The following LRP1 variants were observed in gnomAD, a reference collection of about 807,000 sequenced individuals.
LRP1 encodes LDL receptor related protein 1.
A neutral mutation model predicts 541.5 loss-of-function variants in LRP1; 51 were observed. That is an observed-to-expected ratio of 0.09 (90% CI 0.08 to 0.12). The LOEUF (loss-of-function observed/expected upper bound fraction) is 0.12. Ranked by LOEUF, LRP1 falls within the 10% of genes least tolerant of loss-of-function variation. LRP1 has a pLI of 1.00. For missense variants in LRP1, 3,878 were observed against 6,376.2 expected, an observed-to-expected ratio of 0.61 and a Z score of 13.34; for synonymous variants, 2,219 against 2,470.8, an observed-to-expected ratio of 0.90 and a Z score of 3.02.
chr12:57,175,186 CCAGA>C (rs1465874047), intron 22 of LRP1, among the ~76,000 whole-genome samples: 1 of 152,038 alleles, frequency 6.6e-6, no homozygotes, highest in Non-Finnish European at 1.5e-5. Flanking sequence ...CATATCGAGA[CCAGA>C]CAGAGATATT....
chr12:57,205,782 A>G lies in LRP1; in HGVS notation c.11590+105A>G. ...ATGTCTTCCTGCGGACATCTTGCCC[A>G]GACAAGAAGCCCCAGACTCATAGTT... On this transcript the variant is annotated intron_variant, in intron 75 of 88. Transcript: ENST00000243077. The surrounding 1 kb of genome is among the most constrained non-coding windows in gnomAD (Gnocchi z 4.6). 1 of 1,493,452 alleles carries G rather than the reference A, an allele frequency of 6.7e-7. No homozygotes were observed. The highest frequency in any genetic ancestry group is 1.3e-5 in the South Asian group (1 of 79,054). The allele number at this position is 1,493,452 out of a possible 1,614,324, so 92.5% of individuals were successfully genotyped here.
chr12:57,167,972 C>T (rs1592626371), intron 19 of LRP1, among the ~76,000 whole-genome samples: 1 of 152,220 alleles, frequency 6.6e-6, no homozygotes, highest in African/African-American at 2.4e-5. Context: ...CTTGAGCCAC[C>T]AGGGCTAGTA....
intron 44 of LRP1, among the ~76,000 whole-genome samples, chr12:57,192,199 C>G (rs941008906): frequency 4.6e-5 from 7 of 151,908 alleles, no homozygotes; most frequent in Non-Finnish European, 4.4e-5. Flanking sequence ...CCCTGGGCCT[C>G]CATTACACAG....
chr12:57,209,325 G>A (rs879770650), intron 79 of LRP1, 126 bp downstream of exon 79: 188 of 763,098 alleles, frequency 2.5e-4, no homozygotes, highest in Admixed American at 1.0e-3. Context: ...ATGCTGCAGC[G>A]CCTTCCAGGC....
At chr12:57,167,321 C>T in intron 18 of LRP1, 123 bp from the exon 19 acceptor site, 1 of 759,022 alleles carries the variant, frequency 1.3e-6, no homozygotes, top group Admixed American at 2.0e-5. Flanking sequence ...GCGGGGCCTT[C>T]CCCACCCTTC....
intron 17 of LRP1, among the ~76,000 whole-genome samples, chr12:57,166,666 G>A (rs2035846917): frequency 6.6e-6 from 1 of 152,190 alleles, no homozygotes; most frequent in African/African-American, 2.4e-5. Context: ...TGAGAGGGCT[G>A]AGCTTGCAGG....
intron 17 of LRP1, chr12:57,166,426 T>A (rs996743474): frequency 5.4e-5 from 30 of 555,348 alleles, no homozygotes; most frequent in Non-Finnish European, 8.4e-5. Flanking sequence ...CCGGGCGTGG[T>A]GGCGTGCACC....
At position 57,162,465 on chromosome 12, in the gene LRP1, G is replaced by A; in HGVS notation, c.2351G>A (p.Ser784Asn). 6.2e-7 allele frequency: 1 copy of A among 1,614,140 alleles called. No individual in the cohort carries two copies. Residue 784 changes from serine (S) to asparagine (N), a missense_variant, in exon 14 of 89, where the codon AGT (serine) becomes AAT (asparagine). Coordinates refer to ENST00000243077, the MANE Select transcript of LRP1 (RefSeq NM_002332.3). This position sits in a 1 kb window ranked among gnomAD's most constrained non-coding sequence, Gnocchi z 5.2. Reference protein sequence around the residue: ...GAPPTVTLLRSERPPIFEIRM... With the variant: ...GAPPTVTLLRNERPPIFEIRM... Reference sequence around the variant, plus strand: ...CCCCCCACTGTGACCCTTCTGCGCAGTGAGCGGCCCCCCATCTTTGAGATC... The same window carrying A: ...CCCCCCACTGTGACCCTTCTGCGCAATGAGCGGCCCCCCATCTTTGAGATC...
In LRP1 at chr12:57,212,214, G is replaced by T. The variant is rs2036933836; in HGVS notation, c.13447G>T (p.Asp4483Tyr). The part of the protein sequence containing the change: ...YKMYEGGEPD[D>Y]VGGLLDADFA... ...GATGTACGAAGGCGGAGAGCCTGAT[G>T]ATGTGGGAGGCCTACTGGACGCTGA... Residue 4483 changes from aspartate (D) to tyrosine (Y), a missense_variant, in exon 88 of 89, where the codon GAT (aspartate) becomes TAT (tyrosine). By Grantham distance (160) the Asp-to-Tyr change is radical (BLOSUM62 -3). This residue lies in a region of LRP1 where 871 missense variants were observed against 1,212.4 expected (regional missense o/e 0.72). Coordinates refer to ENST00000243077, the MANE Select transcript of LRP1 (RefSeq NM_002332.3). This position sits in a 1 kb window ranked among gnomAD's most constrained non-coding sequence, Gnocchi z 5.0. The T allele has an allele frequency of 1.9e-6, 3 of 1,613,952 alleles. No homozygotes were observed. The African/African-American group carries it at 4.0e-5, about 22-fold the overall frequency.
Position 57,128,718 on chromosome 12 carries a change from G to A in LRP1, c.-247G>A. ...GGGAAAGAGCAGCGAGGAGTGAAGC[G>A]GGGGGGTGGGGTGAAGGGTTTGGAT... On this transcript the variant is annotated 5_prime_UTR_variant, in exon 1 of 89. Transcript: ENST00000243077. 1 of 415,488 alleles carries A rather than the reference G, an allele frequency of 2.4e-6. No homozygotes were observed. The highest frequency in any genetic ancestry group is 4.3e-6 in the Non-Finnish European group (1 of 233,702). 25.7% of individuals were successfully genotyped at this position (415,488 alleles called of 1,614,324 possible).
Position 57,173,885 on chromosome 12 carries a change from C to T in LRP1, c.3452C>T (p.Pro1151Leu). 6.2e-7 allele frequency: 1 copy of T among 1,614,266 alleles called. No homozygotes were observed. The highest frequency in any genetic ancestry group is 1.7e-5 in the Admixed American group (1 of 60,034). The part of the protein sequence containing the change: ...ESLACRPPSH[P>L]CANNTSVCLP... Reference sequence around the variant, plus strand: ...CTGGCCTGCAGGCCACCCTCGCACCCTTGTGCCAACAACACCTCAGTCTGC... The same window carrying T: ...CTGGCCTGCAGGCCACCCTCGCACCTTTGTGCCAACAACACCTCAGTCTGC... The change falls in exon 22 of 89, where the codon CCT becomes CTT. Residue 1151 changes from proline (P) to leucine (L), a missense_variant. By Grantham distance (98) the Pro-to-Leu change is moderately conservative (BLOSUM62 -3). Transcript: ENST00000243077. The surrounding 1 kb of genome is among the most constrained non-coding windows in gnomAD (Gnocchi z 4.7).
Position 57,183,907 on chromosome 12 carries a change from C to T in LRP1, c.5927C>T (p.Ala1976Val). 1 of 1,614,072 alleles carries T rather than the reference C, an allele frequency of 6.2e-7. No individual in the cohort carries two copies. The change falls in exon 36 of 89, where the codon GCA becomes GTA. Residue 1976 changes from alanine to valine, a missense_variant and splice_region_variant. Ala to Val is a moderately conservative substitution (Grantham distance 64). Coordinates refer to ENST00000243077, the MANE Select transcript of LRP1 (RefSeq NM_002332.3). The surrounding 1 kb of genome is among the most constrained non-coding windows in gnomAD (Gnocchi z 6.1). ...GAGGGCATTGCAGTGGACTGGATCG[C>T]AGGTGAGCAGTGGGCAGGTTTGTGG... ...RVEGIAVDWI[A>V]GNIYWTDQGF... is the part of the protein sequence containing the mutation.
Position 57,185,037 on chromosome 12 carries a change from C to G in LRP1, c.6339-44C>G. The G allele has an allele frequency of 6.2e-7, 1 of 1,613,954 alleles. No individual in the cohort carries two copies. The highest frequency in any genetic ancestry group is 8.5e-7 in the Non-Finnish European group (1 of 1,179,838). Reference sequence around the variant, plus strand: ...TCCTCAGCTGATCTCTTCCTTCCCTCCTGCCTCCACTGATGCCCTGCTTGT... The same window carrying G: ...TCCTCAGCTGATCTCTTCCTTCCCTGCTGCCTCCACTGATGCCCTGCTTGT... On this transcript the variant is annotated intron_variant, in intron 39 of 88. Coordinates refer to ENST00000243077, the MANE Select transcript of LRP1 (RefSeq NM_002332.3). The surrounding 1 kb of genome is among the most constrained non-coding windows in gnomAD (Gnocchi z 4.9).
chr12:57,179,774 G>A lies in LRP1; in HGVS notation c.4967-8G>A. 1 of 1,612,814 alleles carries A rather than the reference G, an allele frequency of 6.2e-7. No individual in the cohort carries two copies. Among genetic ancestry groups the A allele is most frequent in the Non-Finnish European group, 8.5e-7 (1 of 1,179,370 alleles). On this transcript the variant is annotated splice_region_variant and splice_polypyrimidine_tract_variant and intron_variant, in intron 29 of 88. Transcript: ENST00000243077. This position sits in a 1 kb window ranked among gnomAD's most constrained non-coding sequence, Gnocchi z 6.8. ...ACCCAACAACTGACTCCCTACTTGT[G>A]CCCCCAGACTTGCCAAATGCCCACG...
chr12:57,153,397 G>A (rs940139589), intron 6 of LRP1, among the ~76,000 whole-genome samples: 3 of 152,034 alleles, frequency 2.0e-5, no homozygotes, highest in African/African-American at 7.2e-5. Context: ...CTGAGTCTAG[G>A]CAGCTGGGCT....
In LRP1 at chr12:57,209,029, C is replaced by T. The variant is rs2036850536; in HGVS notation, c.12146-54C>T. 6.9e-6 allele frequency: 10 copies of T among 1,459,658 alleles called. No homozygotes were observed. The Admixed American group carries it at 1.7e-4, about 25-fold the overall frequency. 90.4% of individuals were successfully genotyped at this position (1,459,658 alleles called of 1,614,324 possible). On this transcript the variant is annotated intron_variant, in intron 78 of 88. Coordinates refer to ENST00000243077, the MANE Select transcript of LRP1 (RefSeq NM_002332.3). ...CCGGGCATGGAGGCAGTTCTTTCCA[C>T]CCCGAGCCTGGGTTGGGGAGGCCAA...
At position 57,178,885 on chromosome 12, in the gene LRP1, C is replaced by A. The variant is rs532127699; in HGVS notation, c.4607-5C>A. On this transcript the variant is annotated splice_region_variant and splice_polypyrimidine_tract_variant and intron_variant, in intron 27 of 88. Coordinates refer to ENST00000243077, the MANE Select transcript of LRP1 (RefSeq NM_002332.3). This position sits in a 1 kb window ranked among gnomAD's most constrained non-coding sequence, Gnocchi z 5.8. ...GGCTTCTTCTCTTCTCCACCCTGCC[C>A]CCAGCTCCCAATCCCTGTGAGGCCA... 1.9e-6 allele frequency: 3 copies of A among 1,610,250 alleles called. No homozygotes were observed. Among genetic ancestry groups the A allele is most frequent in the Non-Finnish European group, 2.5e-6 (3 of 1,178,844 alleles).
rs2036514155 is a variant in LRP1, at chr12:57,195,584, C to T, written c.8438-74C>T. 4 of 1,608,442 alleles carry T rather than the reference C, an allele frequency of 2.5e-6. No individual in the cohort carries two copies. The East Asian group carries it at 8.9e-5, about 36-fold the overall frequency. ...CCTGCCCACTCTACCAGGAGAACCA[C>T]AGGAGGTTAGAGTGAGGGACGGTCG... On this transcript the variant is annotated intron_variant, in intron 52 of 88. Transcript: ENST00000243077.
intron 1 of LRP1, among the ~76,000 whole-genome samples, chr12:57,135,564 T>C (rs749091183): frequency 6.6e-6 from 1 of 152,204 alleles, no homozygotes; most frequent in Non-Finnish European, 1.5e-5. Context: ...CGCTCCAGAT[T>C]CCTGGGCCCT....
Sources: allele counts gnomAD v4.1 joint callset (sites outside exome capture counted in the v4.1 genomes callset), GRCh38; gene constraint gnomAD v4.1.1; regional missense constraint gnomAD v4.1.1; non-coding constraint Gnocchi (gnomAD v3.1); transcripts MANE v1.5; gene names NCBI Gene and HGNC (gene_info 2026-07-23, HGNC 2026-07-21).